VSTM4: variants seen among roughly 807,000 people sequenced by gnomAD.
VSTM4 encodes the protein V-set and transmembrane domain-containing protein 4.
In VSTM4, 20 loss-of-function variants were observed where a neutral mutation model predicts 36.4. That is an observed-to-expected ratio of 0.55 (90% CI 0.39 to 0.80). The LOEUF (loss-of-function observed/expected upper bound fraction) is 0.80. Among genes scored for constraint, VSTM4 ranks in the 30% least tolerant of loss-of-function variants. The pLI is 0.00. For missense variants in VSTM4, 392 were observed against 404.5 expected (o/e 0.97, Z 0.26); for synonymous variants, 182 against 173.9 (o/e 1.05, Z -0.37).
At chr10:49,068,528 G>A (rs188406806) in intron 4 of VSTM4, among the ~76,000 whole-genome samples, 243 of 152,258 alleles carry the variant, frequency 1.6e-3, no homozygotes, top group Admixed American at 5.4e-3. Context: ...TGGGGTTGAT[G>A]GTCCCATTAA....
Position 49,048,507 on chromosome 10 carries a change from G to C in VSTM4, c.746C>G (p.Pro249Arg), listed in dbSNP as rs754807012. 1.3e-6 allele frequency: 2 copies of C among 1,596,662 alleles called. No homozygotes were observed. Among genetic ancestry groups the C allele is most frequent in the African/African-American group, 1.4e-5 (1 of 73,800 alleles). The change falls in exon 6 of 8, where the codon CCT becomes CGT. Residue 249 changes from proline to arginine, a missense_variant. By Grantham distance (103) the Pro-to-Arg change is moderately radical. Transcript: ENST00000332853. ...GGCAGGGACTGCGGGAGGAATGTCA[G>C]GCTTCTCCTTCTGCCTCTTGCCCTT... ...PKKGKRQKEK[P>R]DIPPAVPAKA...
At chr10:49,053,139 A>G (rs1045012779) in intron 5 of VSTM4, among the ~76,000 whole-genome samples, 4 of 152,262 alleles carry the variant, frequency 2.6e-5, no homozygotes, top group Non-Finnish European at 5.9e-5. Flanking sequence ...AAACCAAGAA[A>G]GACAGAAAAC....
intron 3 of VSTM4, among the ~76,000 whole-genome samples, chr10:49,079,680 C>T (rs556350305): frequency 3.2e-4 from 48 of 152,100 alleles, no homozygotes; most frequent in Non-Finnish European, 5.4e-4. Context: ...ACAATAAGAA[C>T]GTGTGTCCAA....
intron 5 of VSTM4, among the ~76,000 whole-genome samples, chr10:49,056,417 G>C (rs751054830): frequency 6.6e-6 from 1 of 152,258 alleles, no homozygotes; most frequent in African/African-American, 2.4e-5. Flanking sequence ...GCTCAGCCAG[G>C]GGTAAGGCTG....
intron 5 of VSTM4, among the ~76,000 whole-genome samples, chr10:49,053,714 G>T (rs139483160): frequency 1.5e-3 from 226 of 152,298 alleles, no homozygotes; most frequent in African/African-American, 5.0e-3. Context: ...TTTCAGCCCA[G>T]TGAGTAGGGC....
chr10:49,049,525 T>C (rs972829450), intron 5 of VSTM4, among the ~76,000 whole-genome samples: 1 of 152,112 alleles, frequency 6.6e-6, no homozygotes, highest in Non-Finnish European at 1.5e-5. Context: ...CCTTTTATAA[T>C]CTCTTGTCCG....
chr10:49,060,718 T>C (rs7897289), intron 5 of VSTM4, among the ~76,000 whole-genome samples: 68,262 of 152,036 alleles, frequency 0.45, 16,796 homozygotes, highest in African/African-American at 0.65. Context: ...ATTTATGGAT[T>C]CTGTGTTTAG....
chr10:49,082,655 A>G (rs1359735612), intron 3 of VSTM4, among the ~76,000 whole-genome samples: 2 of 152,192 alleles, frequency 1.3e-5, no homozygotes, highest in African/African-American at 4.8e-5. Context: ...ATCCTGGACA[A>G]CAAGAGCAAA....
rs1844718070 is a variant in VSTM4, at chr10:49,103,970, G to C, written c.457+3624C>G. ...CTCCTGTTTGATATTCTAACCCAAAGGTACGGACCACAGAACTTCTCATCC... is the reference window on the plus strand; with the variant it reads ...CTCCTGTTTGATATTCTAACCCAAACGTACGGACCACAGAACTTCTCATCC... On this transcript the variant is annotated intron_variant, in intron 2 of 7. Transcript: ENST00000332853. 9 of 856,570 alleles carry C rather than the reference G, an allele frequency of 1.1e-5. No homozygotes were observed. The South Asian group carries it at 1.6e-4, about 15-fold the overall frequency. The allele number at this position is 856,570 out of a possible 1,614,324, so 53.1% of individuals were successfully genotyped here.
chr10:49,103,895 G>A (rs368755100), intron 2 of VSTM4: 108 of 1,591,616 alleles, frequency 6.8e-5, no homozygotes, highest in Non-Finnish European at 8.9e-5. Context: ...GAGCAGGTTA[G>A]ACAAGAGAGA....
In VSTM4 at chr10:49,054,643, G is replaced by C. The variant is rs56673489; in HGVS notation, c.669-6059C>G. Among the ~76,000 whole-genome samples the C allele has an allele frequency of 8.2e-3, 1,245 of 152,324 alleles. 10 individuals carry two copies. The highest frequency in any genetic ancestry group is 0.027 in the African/African-American group (1,136 of 41,560). On this transcript the variant is annotated intron_variant, in intron 5 of 7. Coordinates refer to ENST00000332853, the MANE Select transcript of VSTM4 (RefSeq NM_001031746.5). ...AGAAGGCGGGGAGCAGTTTATGCAG[G>C]AGGAACAGCATAAACTGAGCTGATT...
intron 3 of VSTM4, among the ~76,000 whole-genome samples, chr10:49,078,657 G>A (rs1844224066): frequency 6.6e-6 from 1 of 152,156 alleles, no homozygotes; most frequent in African/African-American, 2.4e-5. Context: ...GGGGGTGGTG[G>A]TGAGAAGAAA....
chr10:49,065,972 C>T (rs550862415), intron 4 of VSTM4, among the ~76,000 whole-genome samples: 4 of 151,914 alleles, frequency 2.6e-5, no homozygotes, highest in Non-Finnish European at 5.9e-5. Flanking sequence ...ATAATAACAA[C>T]CATAGTTAGT....
chr10:49,060,890 A>G (rs897960724), intron 5 of VSTM4, among the ~76,000 whole-genome samples: 3 of 152,194 alleles, frequency 2.0e-5, no homozygotes, highest in Admixed American at 2.0e-4. Flanking sequence ...ATGGATACCC[A>G]TGTGTCCCAG....
intron 7 of VSTM4, among the ~76,000 whole-genome samples, chr10:49,034,643 A>C (rs1843400326): frequency 6.6e-6 from 1 of 152,206 alleles, no homozygotes; most frequent in South Asian, 2.1e-4. Context: ...TTTACATAGA[A>C]ATTTTCTTCT....
chr10:49,049,193 C>T (rs1374675175), intron 5 of VSTM4, among the ~76,000 whole-genome samples: 3 of 152,284 alleles, frequency 2.0e-5, no homozygotes, highest in South Asian at 4.2e-4. Flanking sequence ...CCTTGAGGAG[C>T]GCTGGGAGTG....
In VSTM4 at chr10:49,108,578, G is replaced by A. The variant is rs1228563151; in HGVS notation, c.56-583C>T. ...TGTACCCAGGGCAGATGAGTAGTAA[G>A]GTCGGATGTGAGCTGGGACAACAGG... On this transcript the variant is annotated intron_variant, in intron 1 of 7. Coordinates refer to ENST00000332853, the MANE Select transcript of VSTM4 (RefSeq NM_001031746.5). Among the ~76,000 whole-genome samples, 4 of 152,222 alleles carry A rather than the reference G, an allele frequency of 2.6e-5. No homozygotes were observed. In the East Asian group the frequency reaches 7.7e-4, roughly 29 times the overall value.
rs1843117217 is a variant in VSTM4 at position 49,017,268 on chromosome 10, G to T, written c.*2382C>A. 6.6e-6 allele frequency: 1 copy of T among 152,206 alleles called. No homozygotes were observed. Among genetic ancestry groups the T allele is most frequent in the Admixed American group, 6.5e-5 (1 of 15,286 alleles). The allele number at this position is 152,206 out of a possible 1,614,324, so 9.4% of individuals were successfully genotyped here. ...AAGCACCTGATACAAGTCATCCATTGCTTCCAGTTCTGAGCACAGCTTGGG... is the reference window on the plus strand; with the variant it reads ...AAGCACCTGATACAAGTCATCCATTTCTTCCAGTTCTGAGCACAGCTTGGG... On this transcript the variant is annotated 3_prime_UTR_variant, in exon 8 of 8. Coordinates refer to ENST00000332853, the MANE Select transcript of VSTM4 (RefSeq NM_001031746.5).
chr10:49,018,657 C>CACCCTG lies in VSTM4; in HGVS notation c.*987_*992dup, dbSNP rs1012867508. The CACCCTG allele has an allele frequency of 6.6e-5, 10 of 152,084 alleles. No individual in the cohort carries two copies. Among genetic ancestry groups the CACCCTG allele is most frequent in the Admixed American group, 2.6e-4 (4 of 15,276 alleles). 9.4% of individuals were successfully genotyped at this position (152,084 alleles called of 1,614,324 possible). A position where few individuals can be genotyped will look rare whatever the true frequency, so the allele number is the denominator to read the frequency against. Reference sequence around the variant, plus strand: ...AGGTCCACAGAGCAACTTCCCCATGCACCCTGACCCCCATTCAAACCCATT... The same window carrying CACCCTG: ...AGGTCCACAGAGCAACTTCCCCATGCACCCTGACCCTGACCCCCATTCAAACCCATT... On this transcript the variant is annotated 3_prime_UTR_variant, in exon 8 of 8. Transcript: ENST00000332853.
Sources: gnomAD v4.1 joint callset for allele counts (sites outside exome capture counted in the v4.1 genomes callset) on GRCh38, gnomAD v4.1.1 for gene constraint, MANE v1.5 for transcripts, NCBI Gene and HGNC (gene_info 2026-07-23, HGNC 2026-07-21) for gene names.